SCN3A: variants seen among roughly 807,000 people sequenced by gnomAD.
SCN3A encodes the protein sodium channel protein type 3 subunit alpha.
In SCN3A, 60 loss-of-function variants were observed where a neutral mutation model predicts 187.6. The ratio of observed to expected loss-of-function variants is 0.32; its 90% confidence interval spans 0.26 to 0.40. The LOEUF (loss-of-function observed/expected upper bound fraction) is 0.40. Among genes scored for constraint, SCN3A ranks in the 10% least tolerant of loss-of-function variants. The pLI is 1.00. For synonymous variants in SCN3A, 788 were observed against 829.2 expected (o/e 0.95, Z 0.85); for missense variants, 1,601 against 2,428.2 (o/e 0.66, Z 7.16).
intron 18 of SCN3A, chr2:165,119,907 C>T (rs773722245): frequency 3.3e-5 from 5 of 152,114 alleles, no homozygotes; most frequent in Non-Finnish European, 5.9e-5. Flanking sequence ...GGAATATAGG[C>T]ATAATAATAG....
At chr2:165,167,607 C>T (rs572770076) in intron 5 of SCN3A, among the ~76,000 whole-genome samples, 1 of 152,050 alleles carries the variant, frequency 6.6e-6, no homozygotes, top group Non-Finnish European at 1.5e-5. Flanking sequence ...GCCTATATAA[C>T]CACTTTGTTT....
intron 10 of SCN3A, 38 bp from the exon 11 acceptor site, chr2:165,154,696 T>C (rs777346813): frequency 6.4e-7 from 1 of 1,551,226 alleles, no homozygotes; most frequent in South Asian, 1.1e-5. Flanking sequence ...AGTATTTTAG[T>C]ATAATGTCCC....
intron 2 of SCN3A, among the ~76,000 whole-genome samples, chr2:165,179,147 GT>G (rs1423535448): frequency 6.6e-6 from 1 of 152,056 alleles, no homozygotes; most frequent in African/African-American, 2.4e-5. Flanking sequence ...AAAAAAAAAG[GT>G]TGATTTGAGG....
chr2:165,098,139 AT>A (rs1036405563), intron 22 of SCN3A, among the ~76,000 whole-genome samples: 43 of 152,160 alleles, frequency 2.8e-4, no homozygotes, highest in African/African-American at 9.2e-4. Context: ...TCCCATTATT[AT>A]TACTTCACAA....
intron 27 of SCN3A, chr2:165,091,973 T>C (rs1019431063): frequency 6.1e-6 from 3 of 489,646 alleles, no homozygotes; most frequent in Admixed American, 6.7e-5. Context: ...CTGCCTCTTT[T>C]AGCCTGTGAC....
chr2:165,097,752 G>A (rs546312201), intron 22 of SCN3A: 1 of 578,736 alleles, frequency 1.7e-6, no homozygotes, highest in Non-Finnish European at 3.0e-6. Context: ...AGTATGAAAA[G>A]AAATCATTAA....
intron 1 of SCN3A, among the ~76,000 whole-genome samples, chr2:165,188,872 A>G (rs1310986535): frequency 6.6e-6 from 1 of 151,726 alleles, no homozygotes; most frequent in African/African-American, 2.4e-5. Flanking sequence ...TCTGGATTCA[A>G]TTTCTGGAGA....
chr2:165,190,095 A>G (rs1691492915), intron 1 of SCN3A, among the ~76,000 whole-genome samples: 1 of 152,196 alleles, frequency 6.6e-6, no homozygotes, highest in South Asian at 2.1e-4. Flanking sequence ...GTGATGAGGT[A>G]ACAGTCTCAA....
chr2:165,110,039 A>C (rs1686044423), intron 21 of SCN3A, among the ~76,000 whole-genome samples: 1 of 151,880 alleles, frequency 6.6e-6, no homozygotes, highest in East Asian at 1.9e-4. Flanking sequence ...GCACTCCCTT[A>C]GACACCCTCC....
chr2:165,191,920 T>C (rs1466518941), intron 1 of SCN3A, among the ~76,000 whole-genome samples: 2 of 152,010 alleles, frequency 1.3e-5, no homozygotes, highest in East Asian at 1.9e-4. Context: ...TTCTGAAAAA[T>C]TTAGTAGTTT....
intron 4 of SCN3A, 86 bp from the exon 5 acceptor site, chr2:165,168,911 C>G (rs768492763): frequency 3.5e-5 from 30 of 854,182 alleles, no homozygotes; most frequent in East Asian, 3.0e-4. Context: ...TTTATCGATG[C>G]AAAAACTGTG....
intron 14 of SCN3A, among the ~76,000 whole-genome samples, chr2:165,138,777 A>C (rs1232846734): frequency 6.6e-6 from 1 of 152,222 alleles, no homozygotes. Context: ...GACATGATAT[A>C]AAATGTAATT....
chr2:165,109,969 C>A (rs746636366), intron 21 of SCN3A, among the ~76,000 whole-genome samples: 1 of 151,992 alleles, frequency 6.6e-6, no homozygotes, highest in Non-Finnish European at 1.5e-5. Flanking sequence ...CCACTTCAAG[C>A]GCTTCTGCTT....
intron 11 of SCN3A, 137 bp downstream of exon 11, chr2:165,154,315 G>T: frequency 1.0e-6 from 1 of 964,250 alleles, no homozygotes; most frequent in Non-Finnish European, 1.5e-6. Context: ...GTTCATATTT[G>T]AATACTTTTT....
chr2:165,110,951 A>G (rs962602541), intron 21 of SCN3A, among the ~76,000 whole-genome samples: 1 of 152,214 alleles, frequency 6.6e-6, no homozygotes, highest in African/African-American at 2.4e-5. Context: ...CATGTTTTCT[A>G]TATAAGGGGA....
intron 15 of SCN3A, among the ~76,000 whole-genome samples, chr2:165,136,235 G>T (rs1369917272): frequency 6.6e-6 from 1 of 152,030 alleles, no homozygotes; most frequent in Admixed American, 6.6e-5. Flanking sequence ...AACTGCTTCA[G>T]CATTGGAATT....
intron 12 of SCN3A, among the ~76,000 whole-genome samples, chr2:165,142,689 A>G (rs1688078882): frequency 6.6e-6 from 1 of 152,074 alleles, no homozygotes; most frequent in South Asian, 2.1e-4. Flanking sequence ...CTCCATTTAA[A>G]TGATCAATAT....
rs933130247 is a variant in SCN3A, at chr2:165,088,879, A to T, written c.*1271T>A. The T allele has an allele frequency of 2.6e-4, 39 of 152,604 alleles. No individual in the cohort carries two copies. Among genetic ancestry groups the T allele is most frequent in the Admixed American group, 8.5e-4 (13 of 15,276 alleles). The allele number at this position is 152,604 out of a possible 1,614,324, so 9.5% of individuals were successfully genotyped here. On this transcript the variant is annotated 3_prime_UTR_variant, in exon 28 of 28. Transcript: ENST00000283254. The stretch of plus-strand genomic sequence containing the variant: ...TTTCCTTGAAATCTAGAGAGATACC[A>T]TATGATACTCATGTTGAATTAAAAG...
At chr2:165,146,679 C>A in intron 12 of SCN3A, 60 bp downstream of exon 12, 1 of 1,596,162 alleles carries the variant, frequency 6.3e-7, no homozygotes, top group Non-Finnish European at 8.6e-7. Context: ...AAACAAAATA[C>A]AAAAACTAAA....
Sources: gnomAD v4.1 joint callset for allele counts (sites outside exome capture counted in the v4.1 genomes callset) on GRCh38, gnomAD v4.1.1 for gene constraint, MANE v1.5 for transcripts, NCBI Gene and HGNC (gene_info 2026-07-23, HGNC 2026-07-21) for gene names.